The following DPP10 variants were observed in gnomAD, a reference collection of about 807,000 sequenced individuals.
The protein encoded by DPP10 is dipeptidyl peptidase like 10.
Under a neutral mutation model 120.9 loss-of-function variants are expected in DPP10, and 33 were observed. The observed-to-expected ratio is 0.27, with a 90% confidence interval of 0.21 to 0.37. The LOEUF is 0.37. Among genes scored for constraint, DPP10 ranks in the 10% least tolerant of loss-of-function variants. DPP10 has a pLI of 1.00. For synonymous variants in DPP10, 337 were observed against 326.1 expected (o/e 1.03, Z -0.36); for missense variants, 816 against 942.8 (o/e 0.87, Z 1.76).
At chr2:114,928,149 G>T (rs1053353235) in intron 1 of DPP10, among the ~76,000 whole-genome samples, 1 of 152,132 alleles carries the variant, frequency 6.6e-6, no homozygotes, top group Admixed American at 6.5e-5. Flanking sequence ...TTCTCACTTT[G>T]CAAGATAAAA....
chr2:115,515,573 T>TA (rs1381000987), intron 4 of DPP10, among the ~76,000 whole-genome samples: 1 of 151,862 alleles, frequency 6.6e-6, no homozygotes, highest in Non-Finnish European at 1.5e-5. Context: ...AGGAACATTT[T>TA]AAAAAAATAT....
intron 1 of DPP10, among the ~76,000 whole-genome samples, chr2:115,182,938 C>T (rs115393568): frequency 3.6e-4 from 55 of 152,236 alleles, no homozygotes; most frequent in African/African-American, 1.3e-3. Flanking sequence ...CTGAGAAGGA[C>T]GATGTGGCAT....
At chr2:114,895,501 C>T (rs957188226) in intron 1 of DPP10, among the ~76,000 whole-genome samples, 4 of 152,252 alleles carry the variant, frequency 2.6e-5, no homozygotes, top group Admixed American at 6.5e-5. Flanking sequence ...CCCACAGTAT[C>T]CTTGGTGTGT....
At chr2:115,636,372 A>C (rs2086333419) in intron 5 of DPP10, among the ~76,000 whole-genome samples, 1 of 152,220 alleles carries the variant, frequency 6.6e-6, no homozygotes, top group South Asian at 2.1e-4. Context: ...AAGAACATTT[A>C]CGTGACTATT....
chr2:115,273,549 G>T (rs2059788715), intron 1 of DPP10, among the ~76,000 whole-genome samples: 1 of 152,262 alleles, frequency 6.6e-6, no homozygotes, highest in African/African-American at 2.4e-5. Context: ...TGTTAGCCAG[G>T]ATGGTCTCGA....
At chr2:115,475,870 A>G (rs1179835691) in intron 3 of DPP10, among the ~76,000 whole-genome samples, 2 of 152,072 alleles carry the variant, frequency 1.3e-5, no homozygotes, top group Non-Finnish European at 2.9e-5. Context: ...CTTTCTTTTG[A>G]CCAATTTTTC....
chr2:115,039,453 G>A (rs903575245), intron 1 of DPP10, among the ~76,000 whole-genome samples: 5 of 152,140 alleles, frequency 3.3e-5, no homozygotes, highest in Middle Eastern at 3.2e-3. Context: ...AAACAGCTGT[G>A]TTTCTGAGAG....
intron 1 of DPP10, among the ~76,000 whole-genome samples, chr2:114,790,478 G>C (rs917764539): frequency 1.3e-5 from 2 of 151,896 alleles, no homozygotes; most frequent in Non-Finnish European, 2.9e-5. Flanking sequence ...CTTTTCATGC[G>C]CGTCCGTGTG....
chr2:114,522,205 C>A (rs986923202), intron 1 of DPP10, among the ~76,000 whole-genome samples: 3 of 151,092 alleles, frequency 2.0e-5, no homozygotes, highest in Non-Finnish European at 4.4e-5. Flanking sequence ...GGGATGGTCT[C>A]GATCTCCTGA....
At chr2:114,469,053 G>A (rs1048179436) in intron 1 of DPP10, among the ~76,000 whole-genome samples, 9 of 152,156 alleles carry the variant, frequency 5.9e-5, no homozygotes, top group African/African-American at 2.2e-4. Context: ...TTTGTTTTTC[G>A]ATAGGCATGC....
intron 1 of DPP10, among the ~76,000 whole-genome samples, chr2:115,277,482 G>A (rs13015427): frequency 0.53 from 53,093 of 99,600 alleles, 12,394 homozygotes; most frequent in Non-Finnish European, 0.6. Flanking sequence ...TTTTTTTACT[G>A]TAGTCAATAG....
chr2:115,229,801 A>G (rs542983189), intron 1 of DPP10, among the ~76,000 whole-genome samples: 1 of 149,878 alleles, frequency 6.7e-6, no homozygotes, highest in East Asian at 2.0e-4. Context: ...TGTTCACTAT[A>G]GCTCTGAAGT....
At chr2:114,499,156 A>G (rs1051680095) in intron 1 of DPP10, among the ~76,000 whole-genome samples, 1 of 152,158 alleles carries the variant, frequency 6.6e-6, no homozygotes, top group Non-Finnish European at 1.5e-5. Flanking sequence ...GGTATGATAC[A>G]ACAGTGGCCA....
At chr2:114,830,166 A>G (rs1686962687) in intron 1 of DPP10, among the ~76,000 whole-genome samples, 1 of 8,914 alleles carries the variant, frequency 1.1e-4, no homozygotes, top group Admixed American at 2.9e-3. Context: ...TGGTATGGCT[A>G]CCTAAGTTCC....
At chr2:115,368,335 G>C (rs1201765093) in intron 3 of DPP10, among the ~76,000 whole-genome samples, 1 of 151,910 alleles carries the variant, frequency 6.6e-6, no homozygotes, top group Non-Finnish European at 1.5e-5. Context: ...GGGAGTCCAG[G>C]AGCACAGGAT....
chr2:115,634,329 C>A (rs1043231761), intron 5 of DPP10, among the ~76,000 whole-genome samples: 1 of 152,178 alleles, frequency 6.6e-6, no homozygotes, highest in Non-Finnish European at 1.5e-5. Flanking sequence ...TCTTTCTCAT[C>A]TTCAGGAGTT....
rs2078341815 is a variant in DPP10 at position 115,529,553 on chromosome 2, T to G, written c.441+3581T>G. ...AAATCTTTTACCCCGAACAAGGTAC[T>G]GGAAAGAGGTAAAAAGATTTAAGTA... On this transcript the variant is annotated intron_variant, in intron 5 of 25. Transcript: ENST00000410059. Among the ~76,000 whole-genome samples, 4 of 152,006 alleles carry G rather than the reference T, an allele frequency of 2.6e-5. No homozygotes were observed. The South Asian group carries it at 8.3e-4, about 31-fold the overall frequency.
chr2:114,580,990 A>C (rs1333366596), intron 1 of DPP10, among the ~76,000 whole-genome samples: 2 of 151,894 alleles, frequency 1.3e-5, no homozygotes, highest in Non-Finnish European at 1.5e-5. Flanking sequence ...AAGGGACCAA[A>C]AGATTACCAG....
intron 3 of DPP10, among the ~76,000 whole-genome samples, chr2:115,487,267 T>C (rs2075833490): frequency 7.5e-6 from 1 of 133,536 alleles, no homozygotes; most frequent in Non-Finnish European, 1.6e-5. Flanking sequence ...TGCTCATGGG[T>C]AGGAAGAATC....
Sources: gnomAD v4.1 joint callset for allele counts (sites outside exome capture counted in the v4.1 genomes callset) on GRCh38, gnomAD v4.1.1 for gene constraint, MANE v1.5 for transcripts, NCBI Gene and HGNC (gene_info 2026-07-23, HGNC 2026-07-21) for gene names.